MYT1L: variants seen among roughly 807,000 people sequenced by gnomAD.
MYT1L encodes the protein myelin transcription factor 1-like protein.
A neutral mutation model predicts 126.7 loss-of-function variants in MYT1L; 12 were observed. The ratio of observed to expected loss-of-function variants is 0.09; its 90% CI spans 0.06 to 0.15. MYT1L has a LOEUF of 0.15. Ranked by LOEUF, MYT1L falls within the 10% of genes least tolerant of loss-of-function variation. The pLI is 1.00. For missense variants in MYT1L, 979 were observed against 1,585.2 expected, an observed-to-expected ratio of 0.62 and a Z score of 6.49; for synonymous variants, 541 against 604.2, an observed-to-expected ratio of 0.90 and a Z score of 1.53.
intron 3 of MYT1L, among the ~76,000 whole-genome samples, chr2:2,134,806 T>C (rs2082831242): frequency 1.3e-5 from 2 of 152,188 alleles, no homozygotes; most frequent in Admixed American, 1.3e-4. Context: ...ATGTATCTCT[T>C]TCCTCGTCTG....
intron 19 of MYT1L, among the ~76,000 whole-genome samples, chr2:1,847,524 C>T (rs774357302): frequency 5.9e-5 from 9 of 152,034 alleles, no homozygotes; most frequent in Non-Finnish European, 1.0e-4. Context: ...GCCTGTCTGG[C>T]GGGACCTGGA....
intron 3 of MYT1L, among the ~76,000 whole-genome samples, chr2:2,149,155 T>A (rs538248937): frequency 1.3e-5 from 2 of 152,340 alleles, no homozygotes; most frequent in South Asian, 4.1e-4. Context: ...TTCTCTCCCT[T>A]GGTTTCTCAA....
chr2:1,800,629 G>T (rs1166907647), intron 23 of MYT1L, among the ~76,000 whole-genome samples: 1 of 152,196 alleles, frequency 6.6e-6, no homozygotes, highest in African/African-American at 2.4e-5. Context: ...GTTGAGCAGA[G>T]CCGTTGACCA....
chr2:1,994,234 C>T lies in MYT1L; in HGVS notation c.-1+2957G>A, dbSNP rs1210977834. Among the ~76,000 whole-genome samples the T allele has an allele frequency of 4.6e-5, 7 of 152,194 alleles. No homozygotes were observed. In the East Asian group the frequency reaches 1.2e-3, roughly 25 times the overall value. ...GAGCCCCTGACGGGCCTGTTCCTTC[C>T]GGTGCCCTCACCAGGCTCAGCCCTG... is the stretch of plus-strand genomic sequence containing the variant. On this transcript the variant is annotated intron_variant, in intron 5 of 24. Coordinates refer to ENST00000647738, the MANE Select transcript of MYT1L (RefSeq NM_001303052.2).
chr2:1,957,868 T>C (rs577854072), intron 8 of MYT1L, among the ~76,000 whole-genome samples: 3 of 152,176 alleles, frequency 2.0e-5, no homozygotes, highest in South Asian at 2.1e-4. Context: ...CAGTGTGTTA[T>C]TTATTTTTTG....
In MYT1L at chr2:1,912,369, T is replaced by C. The variant is rs986078429; in HGVS notation, c.1619-259A>G. Among the ~76,000 whole-genome samples the C allele has an allele frequency of 6.6e-6, 1 of 152,074 alleles. No individual in the cohort carries two copies. The highest frequency in any genetic ancestry group is 1.5e-5 in the Non-Finnish European group (1 of 68,022). ...TACATGAAAGGCCAGAGAAAGAAGG[T>C]TGACGGGACTCTATGCTAAGGGCCT... On this transcript the variant is annotated intron_variant, in intron 11 of 24. Transcript: ENST00000647738. The surrounding 1 kb of genome is among the most constrained non-coding windows in gnomAD (Gnocchi z 4.3).
At chr2:1,857,961 CAA>C (rs2044120949) in intron 18 of MYT1L, among the ~76,000 whole-genome samples, 1 of 151,994 alleles carries the variant, frequency 6.6e-6, no homozygotes, top group South Asian at 2.1e-4. Flanking sequence ...CTCCCAGGTT[CAA>C]GTGATTCTCC....
At chr2:2,185,924 C>A (rs1347271252) in intron 2 of MYT1L, among the ~76,000 whole-genome samples, 5 of 124,088 alleles carry the variant, frequency 4.0e-5, no homozygotes, top group African/African-American at 1.4e-4. Flanking sequence ...CCAAGTCCCG[C>A]GTTCCTTCTG....
rs931748818 is a variant in MYT1L, at chr2:1,793,052, C to T, written c.3277-588G>A. ...ACTGCAGTGTGTAGGGGGCTTGATG[C>T]GAATACTTCTCCTTTCTAGCCTGAA... On this transcript the variant is annotated intron_variant, in intron 23 of 24. Coordinates refer to ENST00000647738, the MANE Select transcript of MYT1L (RefSeq NM_001303052.2). The surrounding 1 kb of genome is among the most constrained non-coding windows in gnomAD (Gnocchi z 4.6). Among the ~76,000 whole-genome samples, 4 of 152,004 alleles carry T rather than the reference C, an allele frequency of 2.6e-5. No homozygotes were observed. Among genetic ancestry groups the T allele is most frequent in the Admixed American group, 6.6e-5 (1 of 15,240 alleles).
At chr2:1,976,055 G>A (rs2149472630) in intron 8 of MYT1L, among the ~76,000 whole-genome samples, 1 of 144,770 alleles carries the variant, frequency 6.9e-6, no homozygotes. Context: ...TGCAGTGTAT[G>A]AGCAAAATGA....
intron 3 of MYT1L, among the ~76,000 whole-genome samples, chr2:2,071,487 A>G (rs559223166): frequency 6.6e-6 from 1 of 152,336 alleles, no homozygotes; most frequent in African/African-American, 2.4e-5. Flanking sequence ...ACAATACGAT[A>G]AATGTCCTTA....
rs143735222 is a variant in MYT1L at position 2,051,926 on chromosome 2, A to ATT, written c.-158+2050_-158+2051dup. Among the ~76,000 whole-genome samples, 797 of 150,884 alleles carry ATT rather than the reference A, an allele frequency of 5.3e-3. 4 individuals are homozygous for ATT. Among genetic ancestry groups the ATT allele is most frequent in the African/African-American group, 0.019 (765 of 41,130 alleles). On this transcript the variant is annotated intron_variant, in intron 4 of 24. Coordinates refer to ENST00000647738, the MANE Select transcript of MYT1L (RefSeq NM_001303052.2). ...CAATCCCTCTCAAAATCTTAAGGTC[A>ATT]TTTTTTTTTCAAAAATAAATATATT...
chr2:1,971,899 C>T (rs1032940387), intron 8 of MYT1L, among the ~76,000 whole-genome samples: 6 of 152,168 alleles, frequency 3.9e-5, no homozygotes, highest in African/African-American at 1.4e-4. Context: ...CTTCTTCACC[C>T]AAGTAAACCC....
At chr2:2,147,466 T>G (rs147468581) in intron 3 of MYT1L, among the ~76,000 whole-genome samples, 1 of 152,342 alleles carries the variant, frequency 6.6e-6, no homozygotes, top group East Asian at 1.9e-4. Flanking sequence ...CTCCATCAGA[T>G]GCCATTCGGC....
At chr2:1,876,908 G>T (rs1573124426) in intron 18 of MYT1L, among the ~76,000 whole-genome samples, 1 of 152,208 alleles carries the variant, frequency 6.6e-6, no homozygotes, top group Non-Finnish European at 1.5e-5. Flanking sequence ...CTCCCCAAAT[G>T]TCAGACCAGG....
chr2:2,037,519 G>A (rs1380261566), intron 4 of MYT1L, among the ~76,000 whole-genome samples: 2 of 151,284 alleles, frequency 1.3e-5, no homozygotes, highest in Non-Finnish European at 2.9e-5. Flanking sequence ...ACCTTGGGAA[G>A]CCAAGGTGGC....
intron 11 of MYT1L, among the ~76,000 whole-genome samples, chr2:1,913,299 T>C (rs1194662111): frequency 1.3e-5 from 2 of 152,184 alleles, no homozygotes; most frequent in Non-Finnish European, 2.9e-5. Flanking sequence ...AGTTCCTGGC[T>C]TGTCCTGGAT....
chr2:2,076,415 G>T (rs773050058), intron 3 of MYT1L, among the ~76,000 whole-genome samples: 1 of 152,164 alleles, frequency 6.6e-6, no homozygotes, highest in South Asian at 2.1e-4. Flanking sequence ...TTCAGGAAAG[G>T]CATTTAATAA....
chr2:2,312,382 A>C (rs2095987169), intron 1 of MYT1L, among the ~76,000 whole-genome samples: 1 of 152,096 alleles, frequency 6.6e-6, no homozygotes, highest in East Asian at 1.9e-4. Context: ...AGGCCGAGAC[A>C]GGTGGATCGC....
Sources: gnomAD v4.1 joint callset for allele counts (sites outside exome capture counted in the v4.1 genomes callset) on GRCh38, gnomAD v4.1.1 for gene constraint, Gnocchi (gnomAD v3.1) non-coding constraint, MANE v1.5 for transcripts, NCBI Gene and HGNC (gene_info 2026-07-23, HGNC 2026-07-21) for gene names.